Variants in PREP observed in about 807,000 individuals in gnomAD.
PREP encodes prolyl endopeptidase, also known as dJ355L5.1 (prolyl endopeptidase).
In PREP, 29 loss-of-function variants were observed where a neutral mutation model predicts 87.6. The ratio of observed to expected loss-of-function variants is 0.33; its 90% CI spans 0.25 to 0.45. PREP has a LOEUF of 0.45. Among genes scored for constraint, PREP ranks in the 20% least tolerant of loss-of-function variants. PREP has a pLI of 1.00. For synonymous variants in PREP, 337 were observed against 328.6 expected, an observed-to-expected ratio of 1.03 and a Z score of -0.28; for missense variants, 695 against 886.5, an observed-to-expected ratio of 0.78 and a Z score of 2.74.
chr6:105,281,659 G>A, intron 14 of PREP, 87 bp downstream of exon 14: 1 of 1,476,538 alleles, frequency 6.8e-7, no homozygotes, highest in Non-Finnish European at 9.2e-7. Context: ...CCCTGACAGT[G>A]ACAAAGCTCA....
At chr6:105,281,673 ACTAATCCTGCT>A in intron 14 of PREP, 62 bp downstream of exon 14, 1 of 1,531,190 alleles carries the variant, frequency 6.5e-7, no homozygotes, top group Non-Finnish European at 8.9e-7. Context: ...AAGCTCAAGC[ACTAATCCTGCT>A]GTGACTGTGT....
chr6:105,324,901 G>A (rs1211788127), intron 9 of PREP, among the ~76,000 whole-genome samples: 1 of 152,122 alleles, frequency 6.6e-6, no homozygotes, highest in Non-Finnish European at 1.5e-5. Context: ...ACTGTTTTAA[G>A]GTTACCATAA....
In PREP at chr6:105,275,812, G is replaced by T. The variant is rs74918975; in HGVS notation, c.*2332C>A. 2.3e-3 allele frequency among the ~76,000 whole-genome samples: 350 copies of T among 152,322 alleles called. 1 individual carries two copies. Among genetic ancestry groups the T allele is most frequent in the African/African-American group, 7.9e-3 (328 of 41,578 alleles). Reference sequence around the variant, plus strand: ...ATGGATGGAACTGAAGGTCAATATGGTAAGTGAAATAAGCCAGGCACAGGA... The same window carrying T: ...ATGGATGGAACTGAAGGTCAATATGTTAAGTGAAATAAGCCAGGCACAGGA... On this transcript the variant is annotated 3_prime_UTR_variant, in exon 15 of 15. Coordinates refer to ENST00000652536, the MANE Select transcript of PREP (RefSeq NM_002726.5).
At chr6:105,279,606 G>T (rs1014835320) in intron 14 of PREP, among the ~76,000 whole-genome samples, 7 of 152,266 alleles carry the variant, frequency 4.6e-5, no homozygotes, top group Admixed American at 3.3e-4. Flanking sequence ...ACTAATTCTG[G>T]ATGGTGCTCC....
intron 7 of PREP, among the ~76,000 whole-genome samples, chr6:105,350,127 GT>G (rs1336414707): frequency 6.6e-6 from 1 of 151,220 alleles, no homozygotes; most frequent in Non-Finnish European, 1.5e-5. Flanking sequence ...TTTTTGTTTT[GT>G]TTTTTTGGTG....
intron 10 of PREP, among the ~76,000 whole-genome samples, chr6:105,317,611 G>A (rs1770910580): frequency 6.6e-6 from 1 of 152,150 alleles, no homozygotes; most frequent in Non-Finnish European, 1.5e-5. Flanking sequence ...AGGTGGGTTC[G>A]TGCCATGCTT....
intron 4 of PREP, among the ~76,000 whole-genome samples, chr6:105,375,505 C>A (rs903287135): frequency 6.6e-6 from 1 of 152,178 alleles, no homozygotes; most frequent in African/African-American, 2.4e-5. Flanking sequence ...CTATGGCCTA[C>A]GGAGGAGGTT....
At chr6:105,323,286 AAGTCC>A in intron 10 of PREP, among the ~76,000 whole-genome samples, 1 of 152,316 alleles carries the variant, frequency 6.6e-6, no homozygotes, top group East Asian at 1.9e-4. Context: ...CACAGCACTT[AAGTCC>A]ATACTTTACA....
At chr6:105,380,779 A>AGGAG (rs1772816377) in intron 2 of PREP, among the ~76,000 whole-genome samples, 1 of 152,192 alleles carries the variant, frequency 6.6e-6, no homozygotes, top group African/African-American at 2.4e-5. Context: ...GGATTCTCTA[A>AGGAG]GGAGGGTACC....
At chr6:105,377,712 G>A (rs1003114688) in intron 2 of PREP, among the ~76,000 whole-genome samples, 193 bp from the exon 3 acceptor site, 9 of 152,144 alleles carry the variant, frequency 5.9e-5, no homozygotes, top group African/African-American at 2.2e-4. Context: ...TGATTAATAT[G>A]TAGTAACAAC....
chr6:105,392,855 G>A (rs868384529), intron 2 of PREP, among the ~76,000 whole-genome samples: 2 of 152,204 alleles, frequency 1.3e-5, no homozygotes, highest in Admixed American at 6.5e-5. Flanking sequence ...AGGATTACAG[G>A]TGTGAACCAC....
At chr6:105,286,855 T>C (rs556071154) in intron 11 of PREP, among the ~76,000 whole-genome samples, 1 of 226 alleles carries the variant, frequency 4.4e-3, no homozygotes, top group East Asian at 0.12. Context: ...GGGATGAAAA[T>C]GGCCCCGGGA....
At chr6:105,306,497 G>A (rs1770661515) in intron 10 of PREP, among the ~76,000 whole-genome samples, 2 of 152,118 alleles carry the variant, frequency 1.3e-5, no homozygotes, top group Admixed American at 1.3e-4. Context: ...ACTGCTACCT[G>A]ACATTGACTG....
chr6:105,357,780 G>A lies in PREP; in HGVS notation c.718-4703C>T, dbSNP rs576419204. On this transcript the variant is annotated intron_variant, in intron 6 of 14. Transcript: ENST00000652536. The stretch of plus-strand genomic sequence containing the variant: ...AAGACATAAATCCTGTTGATGTGGA[G>A]GGCATGTGACTGTGAACAGAATAAA... Among the ~76,000 whole-genome samples, 6 of 152,234 alleles carry A rather than the reference G, an allele frequency of 3.9e-5. No individual in the cohort carries two copies. The South Asian group carries it at 1.0e-3, about 26-fold the overall frequency.
intron 11 of PREP, among the ~76,000 whole-genome samples, chr6:105,285,960 G>A (rs1770182335): frequency 6.6e-6 from 1 of 152,114 alleles, no homozygotes; most frequent in Admixed American, 6.6e-5. Flanking sequence ...ATTTTTAGTA[G>A]AGATGGGGTT....
At chr6:105,381,410 T>C (rs1460982924) in intron 2 of PREP, among the ~76,000 whole-genome samples, 1 of 151,494 alleles carries the variant, frequency 6.6e-6, no homozygotes, top group African/African-American at 2.4e-5. Context: ...TCTTGGTTGA[T>C]CTAAATATTA....
intron 7 of PREP, among the ~76,000 whole-genome samples, chr6:105,337,532 C>G (rs1583064491): frequency 6.6e-6 from 1 of 152,290 alleles, no homozygotes; most frequent in East Asian, 1.9e-4. Context: ...CCCAGCCTCT[C>G]CACTGGCAAG....
intron 2 of PREP, among the ~76,000 whole-genome samples, chr6:105,381,347 T>C (rs565675559): frequency 5.9e-5 from 9 of 152,348 alleles, no homozygotes; most frequent in African/African-American, 2.2e-4. Context: ...ATTTCTGATA[T>C]TTTAACCAGG....
chr6:105,292,023 C>T (rs1168574266), intron 10 of PREP, among the ~76,000 whole-genome samples: 4 of 152,202 alleles, frequency 2.6e-5, no homozygotes, highest in African/African-American at 9.6e-5. Flanking sequence ...TTCTAATTCT[C>T]GTTCTCTTGC....
Sources: allele counts gnomAD v4.1 joint callset (sites outside exome capture counted in the v4.1 genomes callset), GRCh38; gene constraint gnomAD v4.1.1; transcripts MANE v1.5; gene names NCBI Gene and HGNC (gene_info 2026-07-23, HGNC 2026-07-21).